The following CDH23 variants were observed in gnomAD, a reference collection of about 807,000 sequenced individuals.
CDH23 encodes cadherin-23.
In CDH23, 189 loss-of-function variants were observed where a neutral mutation model predicts 317.1. The ratio of observed to expected loss-of-function variants is 0.60; its 90% CI spans 0.53 to 0.67. The LOEUF is 0.67. Ranked by LOEUF, CDH23 falls within the 30% of genes least tolerant of loss-of-function variation. CDH23 has a pLI of 0.00. For missense variants in CDH23, 4,401 were observed against 4,592.4 expected (o/e 0.96, Z 1.20); for synonymous variants, 1,839 against 1,876.8 (o/e 0.98, Z 0.52).
At chr10:71,643,920 C>A in intron 12 of CDH23, 54 bp downstream of exon 12, 1 of 765,194 alleles carries the variant, frequency 1.3e-6, no homozygotes, top group Non-Finnish European at 2.4e-6. Flanking sequence ...TTGTGGTGGG[C>A]ACAGTGGGGA....
chr10:71,579,410 G>T (rs1227632549), intron 9 of CDH23, among the ~76,000 whole-genome samples: 1 of 152,124 alleles, frequency 6.6e-6, no homozygotes, highest in East Asian at 1.9e-4. Context: ...CATTATTCTG[G>T]TGTCCAGCAC....
intron 38 of CDH23, among the ~76,000 whole-genome samples, chr10:71,758,335 G>A (rs940722646): frequency 6.6e-6 from 1 of 152,170 alleles, no homozygotes; most frequent in Non-Finnish European, 1.5e-5. Context: ...GTATCTCCAG[G>A]GCCTAGCAGG....
intron 14 of CDH23, among the ~76,000 whole-genome samples, chr10:71,662,869 G>A (rs1168936096): frequency 6.6e-6 from 1 of 152,160 alleles, no homozygotes; most frequent in East Asian, 1.9e-4. Flanking sequence ...ATCTGAAATG[G>A]AGGGGCTGGC....
intron 11 of CDH23, among the ~76,000 whole-genome samples, chr10:71,639,389 G>C (rs1263172751): frequency 2.0e-5 from 3 of 152,230 alleles, no homozygotes; most frequent in Non-Finnish European, 2.9e-5. Context: ...CAGGAGCAGG[G>C]AGGTGGGTGT....
intron 49 of CDH23, among the ~76,000 whole-genome samples, chr10:71,797,500 G>A (rs1280545246): frequency 6.6e-6 from 1 of 152,196 alleles, no homozygotes; most frequent in Non-Finnish European, 1.5e-5. Context: ...GCTTGGTAGA[G>A]CCTGGAACAG....
At chr10:71,682,858 G>A (rs1864711496) in intron 18 of CDH23, among the ~76,000 whole-genome samples, 1 of 152,216 alleles carries the variant, frequency 6.6e-6, no homozygotes, top group Admixed American at 6.5e-5. Flanking sequence ...CACCCTCGGT[G>A]GGGAACAGGA....
rs1841469612 is a variant in CDH23 at position 71,798,553 on chromosome 10, T to G, written c.7029T>G (p.Tyr2343Ter). 6.2e-7 allele frequency: 1 copy of G among 1,612,466 alleles called. No individual in the cohort carries two copies. Among genetic ancestry groups the G allele is most frequent in the Non-Finnish European group, 8.5e-7 (1 of 1,179,140 alleles). Residue 2343 changes from tyrosine (Y) to a stop codon, truncating the protein, a stop_gained, in exon 50 of 70, where the codon TAT (tyrosine) becomes TAG (stop). Coordinates refer to ENST00000224721, the MANE Select transcript of CDH23 (RefSeq NM_022124.6). LOFTEE classifies it high-confidence loss of function. ...TGCTGGACCTGGTGCCCCCAGGGTA[T>G]GTCCAGCTGGAGGACTCCTCGGCAG... ...YTLLDLVPPG[Y>*]VQLEDSSAGK...
At chr10:71,808,219 T>C (rs1841800915) in intron 60 of CDH23, among the ~76,000 whole-genome samples, 1 of 152,236 alleles carries the variant, frequency 6.6e-6, no homozygotes, top group South Asian at 2.1e-4. Flanking sequence ...CAGCCCTTTC[T>C]TTTCATTCTC....
At chr10:71,633,945 G>A (rs112044739) in intron 11 of CDH23, among the ~76,000 whole-genome samples, 3 of 152,258 alleles carry the variant, frequency 2.0e-5, no homozygotes, top group Non-Finnish European at 4.4e-5. Context: ...AATACAAAGC[G>A]GTGTGATTAG....
chr10:71,615,655 G>A, intron 10 of CDH23, 39 bp downstream of exon 10: 1 of 1,435,100 alleles, frequency 7.0e-7, no homozygotes, highest in Non-Finnish European at 9.8e-7. Flanking sequence ...AGGTAGAGGA[G>A]ATGCCCCTAC....
At chr10:71,715,619 A>C in intron 28 of CDH23, 1 of 244,348 alleles carries the variant, frequency 4.1e-6, no homozygotes, top group East Asian at 7.7e-5. Context: ...TGCTGCTTCT[A>C]GGAGGTGGTT....
intron 38 of CDH23, among the ~76,000 whole-genome samples, chr10:71,765,459 G>A (rs1003169074): frequency 1.3e-5 from 2 of 152,228 alleles, no homozygotes; most frequent in South Asian, 2.1e-4. Context: ...GGACAGAGGT[G>A]TGGACAAGTG....
intron 17 of CDH23, among the ~76,000 whole-genome samples, chr10:71,680,810 C>CTTTTTTTTTTTTTTT: frequency 9.9e-6 from 1 of 100,564 alleles, no homozygotes; most frequent in Non-Finnish European, 1.8e-5. Flanking sequence ...CTCTGTCTTT[C>CTTTTTTTTTTTTTTT]TTTTTTTTTT....
At chr10:71,492,817 G>A (rs1184656065) in intron 3 of CDH23, among the ~76,000 whole-genome samples, 2 of 152,220 alleles carry the variant, frequency 1.3e-5, no homozygotes, top group Non-Finnish European at 1.5e-5. Context: ...GGGGTGTGCT[G>A]CGCTTGGAGT....
chr10:71,723,641 A>G (rs1866668091), intron 28 of CDH23, among the ~76,000 whole-genome samples: 1 of 152,188 alleles, frequency 6.6e-6, no homozygotes, highest in Non-Finnish European at 1.5e-5. Flanking sequence ...AATGCGGGCA[A>G]GAAGTAGCCA....
rs1227812357 is a variant in CDH23 at position 71,707,291 on chromosome 10, G to A, written c.3106+242G>A. The A allele has an allele frequency of 2.9e-5, 42 of 1,433,118 alleles. No homozygotes were observed. In the Admixed American group the frequency reaches 1.2e-3, roughly 40 times the overall value. 88.8% of individuals were successfully genotyped at this position (1,433,118 alleles called of 1,614,324 possible). ...GACCTCCTGAACCTGTTGGTTGCAG[G>A]GACGGGGAGCATCTACCAAGGTTCA... is the stretch of plus-strand genomic sequence containing the variant. On this transcript the variant is annotated intron_variant, in intron 26 of 69. Coordinates refer to ENST00000224721, the MANE Select transcript of CDH23 (RefSeq NM_022124.6).
intron 3 of CDH23, 91 bp from the exon 4 acceptor site, chr10:71,509,991 C>T: frequency 6.8e-7 from 1 of 1,473,920 alleles, no homozygotes. Context: ...ATGGCCACTC[C>T]CTGCTGAGAG....
intron 28 of CDH23, among the ~76,000 whole-genome samples, chr10:71,720,076 C>T (rs577245950): frequency 1.2e-4 from 19 of 152,286 alleles, no homozygotes; most frequent in African/African-American, 4.1e-4. Context: ...GTATGGTCGG[C>T]GGCAGCCAGA....
chr10:71,569,068 G>A (rs1857599812), intron 7 of CDH23, among the ~76,000 whole-genome samples: 1 of 152,220 alleles, frequency 6.6e-6, no homozygotes, highest in Non-Finnish European at 1.5e-5. Context: ...TGGGTGCCTG[G>A]TGGTCATTCA....
Sources: allele counts gnomAD v4.1 joint callset (sites outside exome capture counted in the v4.1 genomes callset), GRCh38; gene constraint gnomAD v4.1.1; transcripts MANE v1.5; gene names NCBI Gene and HGNC (gene_info 2026-07-23, HGNC 2026-07-21).